Variants in RBFOX1 observed in about 807,000 individuals in gnomAD.
RBFOX1 encodes RNA binding fox-1 homolog 1.
In RBFOX1, 8 loss-of-function variants were observed where a neutral mutation model predicts 57.7. The observed-to-expected ratio is 0.14, with a 90% CI of 0.08 to 0.25. The LOEUF (loss-of-function observed/expected upper bound fraction) is 0.25, where lower values mean the gene tolerates loss of function less well. Ranked by LOEUF, RBFOX1 falls within the 10% of genes least tolerant of loss-of-function variation. The pLI is 1.00. For missense variants in RBFOX1, 611 were observed against 548.5 expected, an observed-to-expected ratio of 1.11 and a Z score of -1.14; for synonymous variants, 326 against 222.4, an observed-to-expected ratio of 1.47 and a Z score of -4.15.
chr16:5,618,439 G>A (rs978953412), intron 3 of RBFOX1, among the ~76,000 whole-genome samples: 3 of 152,030 alleles, frequency 2.0e-5, no homozygotes, highest in South Asian at 4.1e-4. Flanking sequence ...CCAGGTTCAC[G>A]CCATTCTCCT....
chr16:7,285,409 C>A (rs2095630704), intron 4 of RBFOX1, among the ~76,000 whole-genome samples: 1 of 150,598 alleles, frequency 6.6e-6, no homozygotes. Context: ...TGTGTGTTTG[C>A]AGTGGTGGTA....
chr16:6,469,337 A>G (rs560890126), intron 2 of RBFOX1, among the ~76,000 whole-genome samples: 1 of 152,274 alleles, frequency 6.6e-6, no homozygotes, highest in South Asian at 2.1e-4. Context: ...AAATGATCCC[A>G]CTGACAATCC....
rs2058521096 is a variant in RBFOX1 at position 5,908,241 on chromosome 16, TATAC to T, written c.351+40912_351+40915del. The stretch of plus-strand genomic sequence containing the variant: ...ACATATATACACACATATATATACA[TATAC>T]ATACACACACATATATACACATATA... On this transcript the variant is annotated intron_variant, in intron 4 of 19. Transcript: ENST00000641259. Among the ~76,000 whole-genome samples the T allele has an allele frequency of 1.4e-5, 2 of 146,406 alleles. 1 individual carries two copies. Among genetic ancestry groups the T allele is most frequent in the African/African-American group, 5.0e-5 (2 of 39,826 alleles).
chr16:7,265,040 A>C (rs904342426), intron 4 of RBFOX1, among the ~76,000 whole-genome samples: 1 of 152,230 alleles, frequency 6.6e-6, no homozygotes, highest in African/African-American at 2.4e-5. Flanking sequence ...GGCCAGTCCC[A>C]TTCTTTTTGT....
chr16:6,369,378 A>C (rs1163988799), intron 2 of RBFOX1, among the ~76,000 whole-genome samples: 3 of 152,190 alleles, frequency 2.0e-5, no homozygotes, highest in Middle Eastern at 3.2e-3. Flanking sequence ...AAAATGGAAA[A>C]ACATTGTGAA....
intron 2 of RBFOX1, among the ~76,000 whole-genome samples, chr16:6,613,044 A>T (rs867795206): frequency 5.1e-4 from 41 of 80,938 alleles, no homozygotes; most frequent in African/African-American, 1.7e-3. Context: ...TGTGTGTGTG[A>T]GTGTGTGTGT....
intron 4 of RBFOX1, among the ~76,000 whole-genome samples, chr16:7,514,718 G>A (rs1302825998): frequency 1.3e-5 from 2 of 152,136 alleles, no homozygotes; most frequent in Non-Finnish European, 2.9e-5. Flanking sequence ...GGGTTGAGAG[G>A]ATGGAGCTCT....
intron 4 of RBFOX1, among the ~76,000 whole-genome samples, chr16:7,453,211 C>T (rs1261099604): frequency 6.6e-6 from 1 of 151,246 alleles, no homozygotes; most frequent in Non-Finnish European, 1.5e-5. Flanking sequence ...GGAACAGGTG[C>T]TAGACTTGTG....
chr16:5,266,038 G>C (rs1357507937), intron 1 of RBFOX1, among the ~76,000 whole-genome samples: 2 of 133,668 alleles, frequency 1.5e-5, no homozygotes, highest in East Asian at 4.1e-4. Flanking sequence ...AAGGCACCAG[G>C]CTGATTAAAA....
chr16:7,364,990 T>C (rs2097411101), intron 4 of RBFOX1, among the ~76,000 whole-genome samples: 1 of 152,212 alleles, frequency 6.6e-6, no homozygotes, highest in South Asian at 2.1e-4. Flanking sequence ...AGATGATTCT[T>C]TTGGGGAATC....
chr16:7,666,900 G>A (rs3785215), intron 13 of RBFOX1, among the ~76,000 whole-genome samples: 21,591 of 152,122 alleles, frequency 0.14, 1,819 homozygotes, highest in South Asian at 0.22. Flanking sequence ...GGTGCAGCTC[G>A]GGAAGCATCA....
At chr16:5,639,231 T>A (rs1471910903) in intron 3 of RBFOX1, among the ~76,000 whole-genome samples, 2 of 152,228 alleles carry the variant, frequency 1.3e-5, no homozygotes, top group Non-Finnish European at 2.9e-5. Context: ...TTCATCTATG[T>A]ACGTAAGGGA....
At chr16:7,232,047 A>G (rs1386218453) in intron 4 of RBFOX1, among the ~76,000 whole-genome samples, 1 of 151,686 alleles carries the variant, frequency 6.6e-6, no homozygotes, top group Non-Finnish European at 1.5e-5. Flanking sequence ...TTTTTTTGAG[A>G]CAGAGTCTCG....
At chr16:5,541,291 C>A (rs578099007) in intron 2 of RBFOX1, among the ~76,000 whole-genome samples, 2 of 152,114 alleles carry the variant, frequency 1.3e-5, no homozygotes, top group Non-Finnish European at 2.9e-5. Context: ...AAATCTGAGA[C>A]AGGTCTCAGT....
chr16:7,111,614 G>A (rs1378461542), intron 4 of RBFOX1, among the ~76,000 whole-genome samples: 1 of 152,126 alleles, frequency 6.6e-6, no homozygotes, highest in Admixed American at 6.5e-5. Flanking sequence ...AGTATCCTGG[G>A]AGTCTTAGGA....
At chr16:5,706,521 A>G (rs955361318) in intron 3 of RBFOX1, among the ~76,000 whole-genome samples, 2 of 152,208 alleles carry the variant, frequency 1.3e-5, no homozygotes, top group African/African-American at 4.8e-5. Context: ...AAAGTTAGTC[A>G]TTAAAAATTT....
chr16:6,208,746 T>C (rs2097272244), intron 1 of RBFOX1, among the ~76,000 whole-genome samples: 1 of 152,198 alleles, frequency 6.6e-6, no homozygotes, highest in South Asian at 2.1e-4. Flanking sequence ...TTCTGGTTCT[T>C]CTTGGAAAAT....
chr16:5,324,027 C>T (rs920562407), intron 1 of RBFOX1, among the ~76,000 whole-genome samples: 6 of 152,266 alleles, frequency 3.9e-5, no homozygotes, highest in Non-Finnish European at 7.3e-5. Context: ...CTCAGATGGG[C>T]ATCACATGAG....
intron 2 of RBFOX1, among the ~76,000 whole-genome samples, chr16:6,381,230 A>T (rs188705562): frequency 3.9e-5 from 6 of 152,210 alleles, no homozygotes; most frequent in African/African-American, 1.4e-4. Context: ...TCTCATGTGC[A>T]TATATTGCGT....
Sources: gnomAD v4.1 joint callset for allele counts (sites outside exome capture counted in the v4.1 genomes callset) on GRCh38, gnomAD v4.1.1 for gene constraint, MANE v1.5 for transcripts, NCBI Gene and HGNC (gene_info 2026-07-23, HGNC 2026-07-21) for gene names.